The following MAJIN variants were observed in gnomAD, a reference collection of about 807,000 sequenced individuals.
The protein encoded by MAJIN is membrane anchored junction protein, also known as membrane-anchored junction protein.
A neutral mutation model predicts 30.2 loss-of-function variants in MAJIN; 27 were observed. That is an observed-to-expected ratio of 0.89 (90% CI 0.66 to 1.23). The LOEUF is 1.23. Ranked by LOEUF, MAJIN falls within the 50% of genes most tolerant of loss-of-function variation. The probability of loss-of-function intolerance (pLI) is 0.00; values close to 1 mark genes in which losing one functional copy is unlikely to be tolerated. For synonymous variants in MAJIN, 78 were observed against 91.6 expected, an observed-to-expected ratio of 0.85 and a Z score of 0.85; for missense variants, 253 against 260.3, an observed-to-expected ratio of 0.97 and a Z score of 0.19.
intron 1 of MAJIN, among the ~76,000 whole-genome samples, chr11:64,962,037 T>G (rs1390326876): frequency 6.6e-6 from 1 of 152,150 alleles, no homozygotes; most frequent in African/African-American, 2.4e-5. Flanking sequence ...TCCTCCTGCC[T>G]TGGCCTCCCA....
intron 3 of MAJIN, among the ~76,000 whole-genome samples, chr11:64,956,291 C>G (rs1945630216): frequency 6.6e-6 from 1 of 151,864 alleles, no homozygotes; most frequent in Admixed American, 6.6e-5. Flanking sequence ...AAGAATGAAA[C>G]TCCATCTCAA....
At chr11:64,958,312 TTAA>T (rs1280174723) in intron 3 of MAJIN, among the ~76,000 whole-genome samples, 1 of 152,084 alleles carries the variant, frequency 6.6e-6, no homozygotes, top group African/African-American at 2.4e-5. Context: ...TTTAGGGTCC[TTAA>T]TAATTTTAAA....
intron 3 of MAJIN, among the ~76,000 whole-genome samples, chr11:64,957,229 C>A (rs1945650432): frequency 6.6e-6 from 1 of 151,902 alleles, no homozygotes; most frequent in African/African-American, 2.4e-5. Flanking sequence ...CAGGTGCAAA[C>A]CACCATGTCC....
intron 7 of MAJIN, 100 bp downstream of exon 7, chr11:64,947,688 A>G: frequency 7.6e-7 from 1 of 1,316,708 alleles, no homozygotes; most frequent in Non-Finnish European, 1.1e-6. Flanking sequence ...CCTGGGCAGC[A>G]ACTGAGGGCA....
Position 64,959,485 on chromosome 11 carries a change from GA to G in MAJIN, c.-17-64del. On this transcript the variant is annotated intron_variant, in intron 2 of 10. Transcript: ENST00000301896. Reference sequence around the variant, plus strand: ...GATTGTTCCTTATTTACAGGAAAGGGAACCTGCCCAATCTGTAACATCTCTT... The same window carrying G: ...GATTGTTCCTTATTTACAGGAAAGGGACCTGCCCAATCTGTAACATCTCTT... 2.3e-6 allele frequency: 3 copies of G among 1,312,878 alleles called. No homozygotes were observed. The South Asian group carries it at 3.7e-5, about 16-fold the overall frequency. 81.3% of individuals were successfully genotyped at this position (1,312,878 alleles called of 1,614,324 possible).
intron 1 of MAJIN, among the ~76,000 whole-genome samples, chr11:64,967,168 G>A (rs533641349): frequency 7.4e-4 from 113 of 152,154 alleles, no homozygotes; most frequent in African/African-American, 2.6e-3. Flanking sequence ...AGCACTTTGG[G>A]AGGCTGAGTC....
chr11:64,960,228 C>T (rs968117301), intron 1 of MAJIN, 93 bp from the exon 2 acceptor site: 1 of 152,178 alleles, frequency 6.6e-6, no homozygotes, highest in Non-Finnish European at 1.5e-5. Context: ...TTATATACAT[C>T]AGTACAAGTA....
intron 8 of MAJIN, among the ~76,000 whole-genome samples, chr11:64,944,088 CAT>C (rs1250085543): frequency 6.6e-6 from 1 of 152,216 alleles, no homozygotes; most frequent in African/African-American, 2.4e-5. Context: ...TCAGGGTTTA[CAT>C]ATGTTTGTGT....
At chr11:64,948,620 TATATATATATATATATATA>T (rs1278732901) in intron 6 of MAJIN, among the ~76,000 whole-genome samples, 7 of 43,976 alleles carry the variant, frequency 1.6e-4, no homozygotes, top group South Asian at 1.3e-3. Flanking sequence ...TATATATATA[TATATATATATATATATATA>T]TTTTTTTTTT....
Position 64,938,493 on chromosome 11 carries a change from T to C in MAJIN, c.*82A>G, listed in dbSNP as rs770943497. 200 of 1,528,074 alleles carry C rather than the reference T, an allele frequency of 1.3e-4. No homozygotes were observed. The highest frequency in any genetic ancestry group is 1.6e-4 in the Non-Finnish European group (177 of 1,139,678). The allele number at this position is 1,528,074 out of a possible 1,614,324, so 94.7% of individuals were successfully genotyped here. ...GCTCGGGAGGAGTCACTACAAGAGA[T>C]GATCCTCTTTCCAGCGCTGCATTTG... On this transcript the variant is annotated 3_prime_UTR_variant, in exon 11 of 11. Transcript: ENST00000301896.
At chr11:64,948,164 C>T (rs1202390753) in intron 6 of MAJIN, among the ~76,000 whole-genome samples, 15 of 152,030 alleles carry the variant, frequency 9.9e-5, no homozygotes, top group African/African-American at 3.4e-4. Flanking sequence ...TTTACCTGGA[C>T]TTCTGGCTAC....
chr11:64,952,762 T>C (rs1229995667), intron 4 of MAJIN, among the ~76,000 whole-genome samples: 1 of 152,106 alleles, frequency 6.6e-6, no homozygotes, highest in East Asian at 1.9e-4. Context: ...TGGAGTGCAG[T>C]GGTGCGATCT....
intron 1 of MAJIN, among the ~76,000 whole-genome samples, chr11:64,968,081 G>C (rs1314636210): frequency 6.6e-6 from 1 of 152,016 alleles, no homozygotes; most frequent in Non-Finnish European, 1.5e-5. Flanking sequence ...GAGTTTAATG[G>C]ACAGAAAGGT....
At position 64,939,738 on chromosome 11, in the gene MAJIN, G is replaced by T. The variant is rs1419815531; in HGVS notation, c.576C>A (p.Gly192=). Residue 192 remains glycine (G), a synonymous_variant, in exon 10 of 11, where the codon GGC becomes GGA. Transcript: ENST00000301896. ...KILSGDTACQ[G]ELSHPCSTTH... is the part of the protein sequence containing the mutation. ...TTGTGCTGCAGGGGTGGGACAATTC[G>T]CCCTGGCAGGCTGTGTCCCCACTCA... is the stretch of plus-strand genomic sequence containing the variant. The T allele has an allele frequency of 6.2e-7, 1 of 1,613,940 alleles. No homozygotes were observed. The highest frequency in any genetic ancestry group is 1.7e-5 in the Admixed American group (1 of 60,000).
chr11:64,962,023 G>A (rs1945735518), intron 1 of MAJIN, among the ~76,000 whole-genome samples: 1 of 152,112 alleles, frequency 6.6e-6, no homozygotes, highest in Admixed American at 6.6e-5. Context: ...CTGGCCTCAA[G>A]TGATCCTCCT....
At chr11:64,965,771 A>G (rs1197933461) in intron 1 of MAJIN, among the ~76,000 whole-genome samples, 1 of 152,050 alleles carries the variant, frequency 6.6e-6, no homozygotes, top group East Asian at 1.9e-4. Context: ...CCTGGCTAAC[A>G]CGGTGAAACC....
intron 3 of MAJIN, among the ~76,000 whole-genome samples, chr11:64,955,542 A>G (rs895850648): frequency 6.6e-6 from 1 of 152,250 alleles, no homozygotes; most frequent in Non-Finnish European, 1.5e-5. Flanking sequence ...TAACAGACAA[A>G]CTATGGTTGT....
intron 8 of MAJIN, among the ~76,000 whole-genome samples, chr11:64,944,818 C>T (rs1945426750): frequency 6.6e-6 from 1 of 151,994 alleles, no homozygotes; most frequent in Non-Finnish European, 1.5e-5. Context: ...AAGGAAGGAT[C>T]TTTAAGGCAT....
Position 64,947,400 on chromosome 11 carries a change from G to T in MAJIN, c.447C>A (p.Ser149Arg), listed in dbSNP as rs1382415214. 6.2e-7 allele frequency: 1 copy of T among 1,613,664 alleles called. No homozygotes were observed. Among genetic ancestry groups the T allele is most frequent in the Non-Finnish European group, 8.5e-7 (1 of 1,180,028 alleles). The change falls in exon 8 of 11, where the codon AGC (serine) becomes AGA (arginine). Residue 149 changes from serine to arginine, a missense_variant. By Grantham distance (110) the Ser-to-Arg change is moderately radical (BLOSUM62 -1). Transcript: ENST00000301896. ...MRKRKHMDEP[S>R]SPSRPGLDRI... Reference sequence around the variant, plus strand: ...TGTCCAGCCCTGGCCTGCTGGGGGAGCTGGGCTCGTCCATGTGTTTTCGTT... The same window carrying T: ...TGTCCAGCCCTGGCCTGCTGGGGGATCTGGGCTCGTCCATGTGTTTTCGTT...
Sources: gnomAD v4.1 joint callset for allele counts (sites outside exome capture counted in the v4.1 genomes callset) on GRCh38, gnomAD v4.1.1 for gene constraint, MANE v1.5 for transcripts, NCBI Gene and HGNC (gene_info 2026-07-23, HGNC 2026-07-21) for gene names.